ARNT2: variants seen among roughly 807,000 people sequenced by gnomAD.
ARNT2 encodes ARNT protein 2.
A neutral mutation model predicts 91.7 loss-of-function variants in ARNT2; 36 were observed. The observed-to-expected ratio is 0.39, with a 90% confidence interval of 0.30 to 0.52. The LOEUF (loss-of-function observed/expected upper bound fraction) is 0.52. Ranked by LOEUF, ARNT2 falls within the 20% of genes least tolerant of loss-of-function variation. The pLI is 0.72. For synonymous variants in ARNT2, 365 were observed against 347.1 expected, an observed-to-expected ratio of 1.05 and a Z score of -0.57; for missense variants, 775 against 939.3, an observed-to-expected ratio of 0.83 and a Z score of 2.29.
intron 8 of ARNT2, among the ~76,000 whole-genome samples, chr15:80,528,733 C>T (rs1231868729): frequency 1.3e-5 from 2 of 152,154 alleles, no homozygotes; most frequent in Non-Finnish European, 2.9e-5. Flanking sequence ...GATCTCTGCA[C>T]ATGGTGGCTC....
chr15:80,413,429 T>C (rs1481271896), intron 1 of ARNT2, among the ~76,000 whole-genome samples: 1 of 152,242 alleles, frequency 6.6e-6, no homozygotes, highest in African/African-American at 2.4e-5. Context: ...TTAGAGAGCA[T>C]GCGGCCAGGT....
intron 4 of ARNT2, among the ~76,000 whole-genome samples, chr15:80,473,414 T>C (rs1896760610): frequency 6.6e-6 from 1 of 152,148 alleles, no homozygotes; most frequent in Admixed American, 6.5e-5. Flanking sequence ...AAAATGTGAA[T>C]TCATGAGTAA....
At chr15:80,445,835 G>A (rs1385346506) in intron 1 of ARNT2, among the ~76,000 whole-genome samples, 1 of 152,054 alleles carries the variant, frequency 6.6e-6, no homozygotes, top group African/African-American at 2.4e-5. Flanking sequence ...ACAGCCTCAC[G>A]TGGGGGATCG....
intron 6 of ARNT2, among the ~76,000 whole-genome samples, chr15:80,508,892 G>A (rs1415614632): frequency 2.0e-5 from 3 of 152,178 alleles, no homozygotes; most frequent in African/African-American, 7.2e-5. Flanking sequence ...AGAAGAGAGA[G>A]CTGGGATCTT....
At chr15:80,492,957 C>T (rs547496641) in intron 5 of ARNT2, among the ~76,000 whole-genome samples, 7 of 152,272 alleles carry the variant, frequency 4.6e-5, no homozygotes, top group Admixed American at 1.3e-4. Context: ...AATCTGTTTA[C>T]TGCTGCTATA....
rs1234091356 is a variant in ARNT2 at position 80,474,996 on chromosome 15, T to G, written c.409-14T>G. On this transcript the variant is annotated splice_polypyrimidine_tract_variant and intron_variant, in intron 4 of 18. Coordinates refer to ENST00000303329, the MANE Select transcript of ARNT2 (RefSeq NM_014862.4). The stretch of plus-strand genomic sequence containing the variant: ...TGTCAGTGTATTGTGCCAATCATAA[T>G]CTTTTCTTTATAGGAACTGAAGCAT... 3.7e-6 allele frequency: 6 copies of G among 1,613,554 alleles called. No homozygotes were observed. The highest frequency in any genetic ancestry group is 1.3e-5 in the African/African-American group (1 of 74,936).
intron 3 of ARNT2, among the ~76,000 whole-genome samples, chr15:80,468,324 A>G (rs1205930269): frequency 1.3e-5 from 2 of 151,272 alleles, no homozygotes; most frequent in African/African-American, 4.9e-5. Flanking sequence ...CCGAGAAGCC[A>G]GCCACAGAGG....
intron 8 of ARNT2, among the ~76,000 whole-genome samples, chr15:80,541,211 T>A (rs1897899775): frequency 1.3e-5 from 2 of 152,138 alleles, no homozygotes; most frequent in South Asian, 4.1e-4. Flanking sequence ...ATCTCTGCGG[T>A]TTTGTTTGAT....
chr15:80,493,887 TCA>T (rs1397441825), intron 5 of ARNT2, among the ~76,000 whole-genome samples: 2 of 152,166 alleles, frequency 1.3e-5, no homozygotes, highest in African/African-American at 4.8e-5. Flanking sequence ...GAGTAAGTTC[TCA>T]CTCTTTTGGT....
intron 5 of ARNT2, among the ~76,000 whole-genome samples, chr15:80,490,408 A>G (rs1167278902): frequency 6.6e-6 from 1 of 152,232 alleles, no homozygotes; most frequent in Non-Finnish European, 1.5e-5. Context: ...TCAGCTGAAG[A>G]ACCTGCAGCA....
intron 11 of ARNT2, among the ~76,000 whole-genome samples, chr15:80,559,890 A>T (rs1251944365): frequency 6.6e-6 from 1 of 152,202 alleles, no homozygotes; most frequent in Non-Finnish European, 1.5e-5. Context: ...AAGCACAGCC[A>T]CGTGTATCAC....
intron 10 of ARNT2, among the ~76,000 whole-genome samples, chr15:80,553,777 G>A (rs1898127043): frequency 6.6e-6 from 1 of 152,130 alleles, no homozygotes; most frequent in African/African-American, 2.4e-5. Flanking sequence ...AACTACGTTT[G>A]GGATATGTAG....
chr15:80,470,426 G>A lies in ARNT2; in HGVS notation c.403G>A (p.Glu135Lys). The A allele has an allele frequency of 6.2e-7, 1 of 1,614,130 alleles. No individual in the cohort carries two copies. Reference protein sequence around the residue: ...DGAYKPSFLTEQELKHLILEA... With the variant: ...DGAYKPSFLTKQELKHLILEA... ...CGCGTACAAGCCTTCCTTCCTCACA[G>A]AGCAGGTACCCTGGTCATCACATCA... The change falls in exon 4 of 19, where the codon GAG becomes AAG. Residue 135 changes from glutamate (E) to lysine (K), a missense_variant. Glu to Lys is a moderately conservative substitution (Grantham distance 56, BLOSUM62 1). This residue lies in a region of ARNT2 where 83 missense variants were observed against 149.4 expected (regional missense o/e 0.56). Transcript: ENST00000303329.
chr15:80,523,926 C>T (rs1057034800), intron 8 of ARNT2, among the ~76,000 whole-genome samples: 38 of 152,064 alleles, frequency 2.5e-4, no homozygotes, highest in Admixed American at 2.2e-3. Context: ...ATTGAAGGAG[C>T]CAGGGGTGTT....
At chr15:80,416,694 T>C (rs530150573) in intron 1 of ARNT2, among the ~76,000 whole-genome samples, 1 of 152,350 alleles carries the variant, frequency 6.6e-6, no homozygotes, top group African/African-American at 2.4e-5. Flanking sequence ...CCAGTTATTT[T>C]GCAAAATATC....
rs1308955285 is a variant in ARNT2, at chr15:80,597,157, G to A, written c.*3459G>A. 1 of 518,706 alleles carries A rather than the reference G, an allele frequency of 1.9e-6. No individual in the cohort carries two copies. The highest frequency in any genetic ancestry group is 3.8e-6 in the Non-Finnish European group (1 of 259,844). 32.1% of individuals were successfully genotyped at this position (518,706 alleles called of 1,614,324 possible). A position where few individuals can be genotyped will look rare whatever the true frequency, so the allele number is the denominator to read the frequency against. ...ATTAGCCACACATGCAAACATCAGT[G>A]TCCTTCTAGCTTTAGCCGAGAAAGA... On this transcript the variant is annotated 3_prime_UTR_variant, in exon 19 of 19. Transcript: ENST00000303329.
intron 17 of ARNT2, among the ~76,000 whole-genome samples, chr15:80,582,926 A>G (rs1044326258): frequency 6.6e-6 from 1 of 151,830 alleles, no homozygotes; most frequent in African/African-American, 2.4e-5. Flanking sequence ...GTGTGGAGAG[A>G]CCCCTTCACC....
At chr15:80,567,504 G>C (rs892486461) in intron 12 of ARNT2, among the ~76,000 whole-genome samples, 1 of 152,228 alleles carries the variant, frequency 6.6e-6, no homozygotes, top group Non-Finnish European at 1.5e-5. Flanking sequence ...AATGGGGGCA[G>C]AGAATAAATA....
In ARNT2 at chr15:80,555,069, T is replaced by C; in HGVS notation, c.1094T>C (p.Leu365Pro). Residue 365 changes from leucine to proline, a missense_variant, in exon 11 of 19, where the codon CTT becomes CCT. Physicochemically the swap from Leu to Pro is moderately conservative, Grantham distance 98. Around this residue, in one of 5 missense-constraint regions of ARNT2, gnomAD observed 285 missense variants for 327.2 expected, o/e 0.87. Coordinates refer to ENST00000303329, the MANE Select transcript of ARNT2 (RefSeq NM_014862.4). ...ISVIGYQPQDLLGKDILEFCH... is the reference protein window; with the variant it reads ...ISVIGYQPQDPLGKDILEFCH... ...AAGCTTGTCTCTTTTATTTAGGATCTTCTGGGAAAGGACATTTTGGAATTC... is the reference window on the plus strand; with the variant it reads ...AAGCTTGTCTCTTTTATTTAGGATCCTCTGGGAAAGGACATTTTGGAATTC... The C allele has an allele frequency of 6.2e-7, 1 of 1,614,126 alleles. No homozygotes were observed. The highest frequency in any genetic ancestry group is 8.5e-7 in the Non-Finnish European group (1 of 1,179,952).
Sources: gnomAD v4.1 joint callset for allele counts (sites outside exome capture counted in the v4.1 genomes callset) on GRCh38, gnomAD v4.1.1 for gene constraint, gnomAD v4.1.1 regional missense constraint, MANE v1.5 for transcripts, NCBI Gene and HGNC (gene_info 2026-07-23, HGNC 2026-07-21) for gene names.